IFT122: variants seen among roughly 807,000 people sequenced by gnomAD.
IFT122 encodes intraflagellar transport protein 122 homolog.
In IFT122, 118 loss-of-function variants were observed where a neutral mutation model predicts 161.6. That is an observed-to-expected ratio of 0.73 (90% CI 0.63 to 0.85). IFT122 has a LOEUF of 0.85. Ranked by LOEUF, IFT122 falls within the 40% of genes least tolerant of loss-of-function variation. The probability of loss-of-function intolerance (pLI) is 0.00; values close to 1 mark genes in which losing one functional copy is unlikely to be tolerated. For synonymous variants in IFT122, 550 were observed against 602.4 expected, an observed-to-expected ratio of 0.91 and a Z score of 1.27; for missense variants, 1,381 against 1,579.6, an observed-to-expected ratio of 0.87 and a Z score of 2.13.
At chr3:129,460,172 T>C (rs2108056881) in intron 4 of IFT122, among the ~76,000 whole-genome samples, 1 of 152,328 alleles carries the variant, frequency 6.6e-6, no homozygotes, top group African/African-American at 2.4e-5. Flanking sequence ...AACTCTTTTA[T>C]CCTGCTAAAC....
intron 18 of IFT122, 149 bp downstream of exon 18, chr3:129,495,756 C>T: frequency 1.0e-6 from 1 of 975,724 alleles, no homozygotes; most frequent in South Asian, 1.4e-5. Context: ...AAACAAAGGA[C>T]CCATCTACAG....
chr3:129,509,117 A>G (rs999070935), intron 23 of IFT122, among the ~76,000 whole-genome samples: 4 of 152,180 alleles, frequency 2.6e-5, no homozygotes, highest in Non-Finnish European at 5.9e-5. Flanking sequence ...TGTCATGTAA[A>G]GTCCACTTTT....
At chr3:129,463,739 C>A (rs2076421759) in intron 6 of IFT122, 113 bp downstream of exon 6, 3 of 827,010 alleles carry the variant, frequency 3.6e-6, no homozygotes, top group African/African-American at 1.7e-5. Context: ...TTGGTTTAGG[C>A]CCCTGTATTT....
In IFT122 at chr3:129,461,000, G is replaced by A. The variant is rs1469274105; in HGVS notation, c.273-228G>A. 3 of 1,382,840 alleles carry A rather than the reference G, an allele frequency of 2.2e-6. No homozygotes were observed. The Admixed American group carries it at 5.1e-5, about 23-fold the overall frequency. 85.7% of individuals were successfully genotyped at this position (1,382,840 alleles called of 1,614,324 possible). A position where few individuals can be genotyped will look rare whatever the true frequency, so the allele number is the denominator to read the frequency against. ...AGGCCAAGCGTTCAAAACCAACCTG[G>A]CCAAAAGTGAGTCCCCATCTCTACA... is the stretch of plus-strand genomic sequence containing the variant. On this transcript the variant is annotated intron_variant, in intron 4 of 29. Coordinates refer to ENST00000348417, the MANE Select transcript of IFT122 (RefSeq NM_052989.3).
At chr3:129,454,395 TAA>T (rs60037525) in intron 3 of IFT122, among the ~76,000 whole-genome samples, 35 of 133,860 alleles carry the variant, frequency 2.6e-4, no homozygotes, top group Admixed American at 5.3e-4. Flanking sequence ...CTCTGTCTCT[TAA>T]AAAAAAAAAA....
intron 13 of IFT122, among the ~76,000 whole-genome samples, chr3:129,480,137 C>T (rs1326289064): frequency 6.6e-6 from 1 of 152,194 alleles, no homozygotes; most frequent in East Asian, 1.9e-4. Context: ...CACGTTTTGG[C>T]AGAGTTGAGC....
In IFT122 at chr3:129,502,898, G is replaced by A. The variant is rs373788787; in HGVS notation, c.2547+16G>A. On this transcript the variant is annotated intron_variant, in intron 20 of 29. Transcript: ENST00000348417. ...CTGGGATGAGGTGAGGGGAAAGCAG[G>A]CCTCATGGGCTGGGGCCCCACCTGA... is the stretch of plus-strand genomic sequence containing the variant. 27 of 1,606,058 alleles carry A rather than the reference G, an allele frequency of 1.7e-5. No individual in the cohort carries two copies. The African/African-American group carries it at 2.8e-4, about 17-fold the overall frequency.
chr3:129,511,387 AAAGT>A (rs1426335541), intron 23 of IFT122, among the ~76,000 whole-genome samples: 2 of 152,010 alleles, frequency 1.3e-5, no homozygotes, highest in African/African-American at 4.8e-5. Context: ...AGTGTAGAGC[AAAGT>A]GAGTCCTCAG....
chr3:129,441,028 C>T (rs757709314), intron 1 of IFT122, among the ~76,000 whole-genome samples: 1 of 152,198 alleles, frequency 6.6e-6, no homozygotes, highest in Non-Finnish European at 1.5e-5. Context: ...AACACAAGCT[C>T]TCCTAATTGG....
chr3:129,480,135 G>A (rs1344892756), intron 13 of IFT122, among the ~76,000 whole-genome samples: 1 of 152,206 alleles, frequency 6.6e-6, no homozygotes, highest in Non-Finnish European at 1.5e-5. Flanking sequence ...CCCACGTTTT[G>A]GCAGAGTTGA....
intron 7 of IFT122, among the ~76,000 whole-genome samples, chr3:129,465,428 T>C (rs941989157): frequency 2.6e-5 from 4 of 151,850 alleles, no homozygotes; most frequent in African/African-American, 9.7e-5. Flanking sequence ...TTGCTTTCTA[T>C]GTCCATGTGA....
At chr3:129,452,355 G>A (rs1395595400) in intron 3 of IFT122, 1 of 280,310 alleles carries the variant, frequency 3.6e-6, no homozygotes, top group Non-Finnish European at 6.9e-6. Context: ...ATGCTGGAAG[G>A]TGATAACTGT....
chr3:129,504,068 T>A (rs2081934298), intron 20 of IFT122: 1 of 503,368 alleles, frequency 2.0e-6, no homozygotes, highest in Admixed American at 3.2e-5. Context: ...CTGTGCCGCT[T>A]CTGTGGTCCA....
At chr3:129,479,952 C>T in intron 13 of IFT122, 30 bp downstream of exon 13, 1 of 1,613,192 alleles carries the variant, frequency 6.2e-7, no homozygotes, top group South Asian at 1.1e-5. Flanking sequence ...TCCTGTCAGG[C>T]TGATAATCTG....
chr3:129,467,199 CA>C (rs1334023622), intron 8 of IFT122, 133 bp downstream of exon 8: 9 of 757,256 alleles, frequency 1.2e-5, no homozygotes, highest in Admixed American at 2.5e-5. Flanking sequence ...AAAGCGCCTT[CA>C]AAAAAAGGAG....
rs1013147846 is a variant in IFT122 at position 129,519,194 on chromosome 3, T to G, written c.3471+8T>G. On this transcript the variant is annotated splice_region_variant and intron_variant, in intron 28 of 29. Transcript: ENST00000348417. ...GCTAAGCTGAGCTTTGAGGTGAGGG[T>G]GCCTCTCTGGGTGACCTGCAGGAGG... The G allele has an allele frequency of 4.3e-6, 7 of 1,613,006 alleles. No homozygotes were observed. In the African/African-American group the frequency reaches 9.3e-5, roughly 22 times the overall value.
At chr3:129,503,249 G>A (rs1035211529) in intron 20 of IFT122, among the ~76,000 whole-genome samples, 6 of 152,176 alleles carry the variant, frequency 3.9e-5, no homozygotes, top group South Asian at 2.1e-4. Flanking sequence ...ATGCACCTGC[G>A]TGACATTTAA....
Position 129,502,728 on chromosome 3 carries a change from G to A in IFT122, c.2393G>A (p.Arg798His), listed in dbSNP as rs755677495. The stretch of plus-strand genomic sequence containing the variant: ...CTCTCCAGGTTGATCGACATCGCCC[G>A]CAAACTGGACAAGGCTGAGCGCGAG... Reference protein sequence around the residue: ...GWVDMLIDIARKLDKAEREPL... With the variant: ...GWVDMLIDIAHKLDKAEREPL... The change falls in exon 20 of 30, where the codon CGC (arginine) becomes CAC (histidine). Residue 798 changes from arginine (R) to histidine (H), a missense_variant. By Grantham distance (29) the Arg-to-His change is conservative. Coordinates refer to ENST00000348417, the MANE Select transcript of IFT122 (RefSeq NM_052989.3). 1.6e-5 allele frequency: 25 copies of A among 1,608,680 alleles called. No homozygotes were observed. Among genetic ancestry groups the A allele is most frequent in the Middle Eastern group, 1.7e-4 (1 of 6,060 alleles).
chr3:129,454,591 G>C (rs2075261253), intron 3 of IFT122, among the ~76,000 whole-genome samples: 2 of 148,684 alleles, frequency 1.3e-5, no homozygotes, highest in South Asian at 4.3e-4. Flanking sequence ...TAATGTTTTA[G>C]GGAGACCTGT....
Sources: gnomAD v4.1 joint callset for allele counts (sites outside exome capture counted in the v4.1 genomes callset) on GRCh38, gnomAD v4.1.1 for gene constraint, MANE v1.5 for transcripts, NCBI Gene and HGNC (gene_info 2026-07-23, HGNC 2026-07-21) for gene names.